CASP1: variants seen among roughly 807,000 people sequenced by gnomAD.
CASP1 encodes the protein caspase 1.
In CASP1, 31 loss-of-function variants were observed where a neutral mutation model predicts 41.2. The ratio of observed to expected loss-of-function variants is 0.75; its 90% CI spans 0.57 to 1.02. CASP1 has a LOEUF of 1.02. Ranked by LOEUF, CASP1 falls within the 50% of genes least tolerant of loss-of-function variation. The pLI is 0.00. For synonymous variants in CASP1, 163 were observed against 166.5 expected (o/e 0.98, Z 0.16); for missense variants, 490 against 495.7 (o/e 0.99, Z 0.11).
intron 2 of CASP1, 86 bp downstream of exon 2, chr11:105,034,122 C>T (rs1374938675): frequency 2.5e-6 from 4 of 1,608,294 alleles, no homozygotes; most frequent in Non-Finnish European, 3.4e-6. Context: ...AAGTTTTCTT[C>T]CAATTAACAT....
intron 7 of CASP1, among the ~76,000 whole-genome samples, chr11:105,027,666 G>C (rs1863401707): frequency 6.6e-6 from 1 of 152,040 alleles, no homozygotes; most frequent in African/African-American, 2.4e-5. Context: ...TGGTCATAAA[G>C]TATATATTGA....
At chr11:105,035,034 C>T in intron 1 of CASP1, 73 bp downstream of exon 1, 2 of 1,594,772 alleles carry the variant, frequency 1.3e-6, no homozygotes, top group Non-Finnish European at 1.7e-6. Context: ...CTAATTATGG[C>T]TTCCAGAAGA....
Position 105,026,845 on chromosome 11 carries a change from G to A in CASP1, c.1113C>T (p.Arg371=). The A allele has an allele frequency of 6.5e-7, 1 of 1,547,834 alleles. No homozygotes were observed. Among genetic ancestry groups the A allele is most frequent in the Non-Finnish European group, 8.9e-7 (1 of 1,119,850 alleles). ...ATAGCATCCACTAGCATCTTACCTT[G>A]CGGAAAATTTCCTCCACATCACAGG... ...ACSCDVEEIF[R]KVRFSFEQPD... The change falls in exon 8 of 9, where the codon CGC becomes CGT. Residue 371 remains arginine, a synonymous_variant. Transcript: ENST00000533400.
intron 7 of CASP1, 89 bp from the exon 8 acceptor site, chr11:105,027,040 T>A: frequency 1.3e-6 from 1 of 793,610 alleles, no homozygotes; most frequent in Non-Finnish European, 2.2e-6. Context: ...AGCTGAGGGA[T>A]GTTTGAAATC....
chr11:105,030,750 G>A (rs760840968), intron 4 of CASP1: 20 of 445,938 alleles, frequency 4.5e-5, no homozygotes, highest in Non-Finnish European at 6.3e-5. Context: ...AGATGCACAA[G>A]CTTTGAAGCA....
Position 105,026,445 on chromosome 11 carries a change from A to T in CASP1, c.1117-89T>A. On this transcript the variant is annotated intron_variant, in intron 8 of 8. Coordinates refer to ENST00000533400, the MANE Select transcript of CASP1 (RefSeq NM_001257118.3). ...TGAGTTATGCCAAAAAACTACAACA[A>T]ATATAGCAAAATAAGTGACAAAAAC... 6.5e-6 allele frequency: 5 copies of T among 771,276 alleles called. No individual in the cohort carries two copies. In the South Asian group the frequency reaches 7.6e-5, roughly 12 times the overall value. The allele number at this position is 771,276 out of a possible 1,614,324, so 47.8% of individuals were successfully genotyped here.
Position 105,029,678 on chromosome 11 carries a change from C to G in CASP1, c.849G>C (p.Gln283His). The G allele has an allele frequency of 6.2e-7, 1 of 1,613,092 alleles. No individual in the cohort carries two copies. Among genetic ancestry groups the G allele is most frequent in the Non-Finnish European group, 8.5e-7 (1 of 1,179,276 alleles). ...ATCAGCACTCACCACCACGGCAGGC[C>G]TGGATGATGATCACCTTCGGTTTGT... ...LKDKPKVIIIQACRGDSPGVV... is the reference protein window; with the variant it reads ...LKDKPKVIIIHACRGDSPGVV... Residue 283 changes from glutamine to histidine, a missense_variant, in exon 6 of 9, where the codon CAG becomes CAC. By Grantham distance (24) the Gln-to-His change is conservative (BLOSUM62 0). Coordinates refer to ENST00000533400, the MANE Select transcript of CASP1 (RefSeq NM_001257118.3).
intron 2 of CASP1, among the ~76,000 whole-genome samples, 198 bp from the exon 3 acceptor site, chr11:105,033,324 G>A (rs1447972094): frequency 3.3e-5 from 5 of 152,188 alleles, no homozygotes; most frequent in South Asian, 2.1e-4. Context: ...AGAAAAATAC[G>A]TGTTTATTAC....
At chr11:105,033,862 C>A (rs769471628) in intron 2 of CASP1, 1 of 612,746 alleles carries the variant, frequency 1.6e-6, no homozygotes, top group Admixed American at 1.8e-5. Context: ...CCTACAGACC[C>A]CTTGCACTCA....
intron 3 of CASP1, among the ~76,000 whole-genome samples, chr11:105,031,512 G>C (rs970770370): frequency 6.6e-6 from 1 of 152,120 alleles, no homozygotes; most frequent in Non-Finnish European, 1.5e-5. Context: ...TTCAGGATCA[G>C]CCTTTCTACA....
At chr11:105,033,179 T>A (rs1447550472) in intron 2 of CASP1, 53 bp from the exon 3 acceptor site, 1 of 1,083,078 alleles carries the variant, frequency 9.2e-7, no homozygotes, top group Non-Finnish European at 1.4e-6. Context: ...CTGGAAAACT[T>A]TACCCCAATC....
rs756686280 is a variant in CASP1 at position 105,026,870 on chromosome 11, G to A, written c.1088C>T (p.Ser363Phe). 16 of 1,606,728 alleles carry A rather than the reference G, an allele frequency of 1.0e-5. No homozygotes were observed. Among genetic ancestry groups the A allele is most frequent in the African/African-American group, 5.4e-5 (4 of 74,676 alleles). Reference protein sequence around the residue: ...LIEHMQEYACSCDVEEIFRKV... With the variant: ...LIEHMQEYACFCDVEEIFRKV... The stretch of plus-strand genomic sequence containing the variant: ...GCGGAAAATTTCCTCCACATCACAG[G>A]AACAGGCATATTCTTGCATATGTTC... The change falls in exon 8 of 9, where the codon TCC becomes TTC. Residue 363 changes from serine to phenylalanine, a missense_variant. Ser to Phe is a radical substitution (Grantham distance 155). Transcript: ENST00000533400.
intron 7 of CASP1, among the ~76,000 whole-genome samples, chr11:105,028,243 T>C (rs1331459782): frequency 1.3e-5 from 2 of 152,112 alleles, no homozygotes; most frequent in African/African-American, 4.8e-5. Flanking sequence ...AAAGAAGATA[T>C]CTCATTTTAG....
At position 105,025,886 on chromosome 11, in the gene CASP1, G is replaced by A. The variant is rs1790203; in HGVS notation, c.*372C>T. ...GTGCTCTGCACTGACCAGAAGAAAGGCATTACTTCAGTATTTTCTGTATAT... is the reference window on the plus strand; with the variant it reads ...GTGCTCTGCACTGACCAGAAGAAAGACATTACTTCAGTATTTTCTGTATAT... On this transcript the variant is annotated 3_prime_UTR_variant, in exon 9 of 9. Transcript: ENST00000533400. The A allele has an allele frequency of 0.52, 109,322 of 208,566 alleles. 29,734 individuals are homozygous for A. The highest frequency in any genetic ancestry group is 0.74 in the East Asian group (6,028 of 8,120). 12.9% of individuals were successfully genotyped at this position (208,566 alleles called of 1,614,324 possible).
At chr11:105,033,165 A>G (rs1863800027) in intron 2 of CASP1, 39 bp from the exon 3 acceptor site, 2 of 1,267,550 alleles carry the variant, frequency 1.6e-6, no homozygotes, top group East Asian at 2.4e-5. Context: ...GTCACTTATC[A>G]TCTCTGGAAA....
intron 2 of CASP1, among the ~76,000 whole-genome samples, chr11:105,033,337 A>G (rs979861741): frequency 1.3e-5 from 2 of 152,256 alleles, no homozygotes; most frequent in Non-Finnish European, 2.9e-5. Context: ...TTTATTACAC[A>G]TAGATGAAAA....
rs776358153 is a variant in CASP1, at chr11:105,025,525, GATTT to G, written c.*729_*732del. 2.4e-4 allele frequency: 100 copies of G among 421,748 alleles called. No homozygotes were observed. Among genetic ancestry groups the G allele is most frequent in the Middle Eastern group, 6.9e-4 (2 of 2,900 alleles). 26.1% of individuals were successfully genotyped at this position (421,748 alleles called of 1,614,324 possible). ...AGGACAAGTTTTCATTTTTCTACCA[GATTT>G]ATTATTTCAAAAAAGTTTATTATTC... On this transcript the variant is annotated 3_prime_UTR_variant, in exon 9 of 9. Transcript: ENST00000533400.
rs766901394 is a variant in CASP1 at position 105,035,126 on chromosome 11, C to G, written c.-13G>C. On this transcript the variant is annotated 5_prime_UTR_variant, in exon 1 of 9. Transcript: ENST00000533400. ...ACTCACCGGCCATGGCTTTTCTCTC[C>G]TCCCTTCTTGTGTGACTGAAACTGA... 1.2e-6 allele frequency: 2 copies of G among 1,613,950 alleles called. No individual in the cohort carries two copies. The highest frequency in any genetic ancestry group is 1.7e-5 in the Admixed American group (1 of 60,018).
At position 105,029,803 on chromosome 11, in the gene CASP1, C is replaced by T. The variant is rs1863562906; in HGVS notation, c.724G>A (p.Gly242Ser). The T allele has an allele frequency of 1.2e-6, 2 of 1,613,758 alleles. No homozygotes were observed. Among genetic ancestry groups the T allele is most frequent in the Non-Finnish European group, 1.7e-6 (2 of 1,179,750 alleles). The change falls in exon 6 of 9, where the codon GGC becomes AGC. Residue 242 changes from glycine (G) to serine (S), a missense_variant. Gly to Ser is a moderately conservative substitution (Grantham distance 56). Coordinates refer to ENST00000533400, the MANE Select transcript of CASP1 (RefSeq NM_001257118.3). ...TCAGAGTGTTTCTTCCCACAAATGC[C>T]TTCCCGAATACCATGAGACATGAAC... Reference protein sequence around the residue: ...LVFMSHGIREGICGKKHSEQV... With the variant: ...LVFMSHGIRESICGKKHSEQV...
Sources: allele counts gnomAD v4.1 joint callset (sites outside exome capture counted in the v4.1 genomes callset), GRCh38; gene constraint gnomAD v4.1.1; transcripts MANE v1.5; gene names NCBI Gene and HGNC (gene_info 2026-07-23, HGNC 2026-07-21).